The following TEX26 variants were observed in gnomAD, a reference collection of about 807,000 sequenced individuals.
TEX26 encodes the protein testis expressed 26.
A neutral mutation model predicts 35.3 loss-of-function variants in TEX26; 34 were observed. The observed-to-expected ratio is 0.96, with a 90% CI of 0.73 to 1.28. The LOEUF (loss-of-function observed/expected upper bound fraction) is 1.28. Ranked by LOEUF, TEX26 falls within the 50% of genes most tolerant of loss-of-function variation. The pLI is 0.00. For missense variants in TEX26, 371 were observed against 330.1 expected (o/e 1.12, Z -0.96); for synonymous variants, 136 against 111.8 (o/e 1.22, Z -1.36).
Position 30,974,729 on chromosome 13 carries a change from C to T in TEX26, c.809-117C>T, listed in dbSNP as rs796099952. 3.1e-5 allele frequency: 33 copies of T among 1,068,446 alleles called. No homozygotes were observed. In the African/African-American group the frequency reaches 4.5e-4, roughly 15 times the overall value. 66.2% of individuals were successfully genotyped at this position (1,068,446 alleles called of 1,614,324 possible). On this transcript the variant is annotated intron_variant, in intron 6 of 6. Transcript: ENST00000380473. ...ATAGCCTGCTATTATTTTGGTCTTA[C>T]CAAATTTGTGTATTTAGTAATATTA...
rs1489974181 is a variant in TEX26 at position 30,966,214 on chromosome 13, C to T, written c.470-8C>T. ...TAAGTATTGCCTTCCATTTCCATTC[C>T]ACCCCAGCTCAGAAGATTAAGAAAA... On this transcript the variant is annotated splice_polypyrimidine_tract_variant and splice_region_variant and intron_variant, in intron 4 of 6. Coordinates refer to ENST00000380473, the MANE Select transcript of TEX26 (RefSeq NM_152325.3). The T allele has an allele frequency of 6.2e-7, 1 of 1,613,784 alleles. No individual in the cohort carries two copies. Among genetic ancestry groups the T allele is most frequent in the Admixed American group, 1.7e-5 (1 of 59,996 alleles).
chr13:30,951,182 C>A (rs151207981), intron 2 of TEX26, among the ~76,000 whole-genome samples: 1 of 151,508 alleles, frequency 6.6e-6, no homozygotes, highest in East Asian at 1.9e-4. Flanking sequence ...GACCTCATCT[C>A]AAAAAATAAA....
chr13:30,973,751 C>A (rs527607072), intron 6 of TEX26, among the ~76,000 whole-genome samples: 2 of 152,248 alleles, frequency 1.3e-5, no homozygotes, highest in South Asian at 4.1e-4. Context: ...TGAATATGAG[C>A]ATGACATCAC....
At chr13:30,937,757 T>C (rs559690713) in intron 1 of TEX26, among the ~76,000 whole-genome samples, 3 of 152,302 alleles carry the variant, frequency 2.0e-5, no homozygotes, top group Middle Eastern at 6.8e-3. Flanking sequence ...AAGGCTTCAG[T>C]TATCTGACTA....
chr13:30,941,066 A>T (rs1953486286), intron 2 of TEX26, among the ~76,000 whole-genome samples: 1 of 152,200 alleles, frequency 6.6e-6, no homozygotes, highest in Non-Finnish European at 1.5e-5. Context: ...TACCCTTATT[A>T]TCTCTGCTAC....
intron 2 of TEX26, among the ~76,000 whole-genome samples, chr13:30,947,892 C>T (rs1434277112): frequency 6.6e-6 from 1 of 151,952 alleles, no homozygotes; most frequent in Non-Finnish European, 1.5e-5. Flanking sequence ...CTCCCCTCTC[C>T]CCCCACCCCA....
rs142661084 is a variant in TEX26 at position 30,967,385 on chromosome 13, A to C, written c.646+987A>C. Among the ~76,000 whole-genome samples, 165 of 152,310 alleles carry C rather than the reference A, an allele frequency of 1.1e-3. No individual in the cohort carries two copies. The Middle Eastern group carries it at 0.014, about 13-fold the overall frequency. On this transcript the variant is annotated intron_variant, in intron 5 of 6. Coordinates refer to ENST00000380473, the MANE Select transcript of TEX26 (RefSeq NM_152325.3). ...GACAGTGCCCCTGTGTATCCACTTC[A>C]GGGTAGCCCCATCCCCCTTCGTTGT...
intron 6 of TEX26, among the ~76,000 whole-genome samples, chr13:30,973,711 T>C (rs1954785196): frequency 6.6e-6 from 1 of 152,170 alleles, no homozygotes; most frequent in Admixed American, 6.5e-5. Context: ...CCACTGGCAT[T>C]TGTGACATTG....
At chr13:30,958,878 C>T (rs536514552) in intron 4 of TEX26, among the ~76,000 whole-genome samples, 9 of 152,300 alleles carry the variant, frequency 5.9e-5, no homozygotes, top group Non-Finnish European at 1.2e-4. Flanking sequence ...TCTCTGCTTC[C>T]CTTCATAAAC....
Position 30,975,470 on chromosome 13 carries a change from G to T in TEX26, c.*563G>T, listed in dbSNP as rs754757381. 6.6e-6 allele frequency: 1 copy of T among 151,994 alleles called. No homozygotes were observed. Among genetic ancestry groups the T allele is most frequent in the Non-Finnish European group, 1.5e-5 (1 of 67,978 alleles). The allele number at this position is 151,994 out of a possible 1,614,324, so 9.4% of individuals were successfully genotyped here. On this transcript the variant is annotated 3_prime_UTR_variant, in exon 7 of 7. Transcript: ENST00000380473. ...ATTGTTCAATTCTGAAAGAATATTG[G>T]AACCTCCCACAATAAATATATTTTT...
chr13:30,945,525 T>A (rs756369072), intron 2 of TEX26, among the ~76,000 whole-genome samples: 1 of 151,888 alleles, frequency 6.6e-6, no homozygotes, highest in South Asian at 2.1e-4. Flanking sequence ...TTTTTTTCAT[T>A]GTGTTATTGT....
rs557312941 is a variant in TEX26 at position 30,935,309 on chromosome 13, A to G, written c.61+2533A>G. Among the ~76,000 whole-genome samples, 8 of 152,310 alleles carry G rather than the reference A, an allele frequency of 5.3e-5. No individual in the cohort carries two copies. In the East Asian group the frequency reaches 1.4e-3, roughly 26 times the overall value. ...CCCAGTAAGGCCCCACCCTCTGACC[A>G]GGGAGGGCCTGAAGTCTGGGGACCA... On this transcript the variant is annotated intron_variant, in intron 1 of 6. Coordinates refer to ENST00000380473, the MANE Select transcript of TEX26 (RefSeq NM_152325.3).
rs142370943 is a variant in TEX26 at position 30,966,477 on chromosome 13, G to T, written c.646+79G>T. ...TTTGAGACGGAGTTTCCCTCTTGTC[G>T]CCCAGGCTGGAGTGCAGTGGCACAA... On this transcript the variant is annotated intron_variant, in intron 5 of 6. Transcript: ENST00000380473. 3,091 of 1,307,224 alleles carry T rather than the reference G, an allele frequency of 2.4e-3. 59 individuals carry two copies. In the African/African-American group the frequency reaches 0.048, roughly 20 times the overall value. 81.0% of individuals were successfully genotyped at this position (1,307,224 alleles called of 1,614,324 possible). A position where few individuals can be genotyped will look rare whatever the true frequency, so the allele number is the denominator to read the frequency against.
intron 5 of TEX26, among the ~76,000 whole-genome samples, chr13:30,968,579 T>C (rs1954616639): frequency 6.6e-6 from 1 of 152,188 alleles, no homozygotes; most frequent in Non-Finnish European, 1.5e-5. Flanking sequence ...CACACTGACC[T>C]GCATAAGAGT....
intron 6 of TEX26, among the ~76,000 whole-genome samples, chr13:30,974,197 A>G (rs1295297046): frequency 6.8e-6 from 1 of 147,206 alleles, no homozygotes; most frequent in Non-Finnish European, 1.5e-5. Flanking sequence ...ACCAGACAAG[A>G]CTCCTTAATG....
rs200166266 is a variant in TEX26, at chr13:30,956,899, C to T, written c.339C>T (p.His113=). ...NEDIFLWTLP[H]CQQTGTLKNC... ...ACATTTTCCTGTGGACACTACCTCA[C>T]TGTCAACAAACGGGGACACTAAAGA... Residue 113 remains histidine (H), a synonymous_variant, in exon 4 of 7, where the codon CAC becomes CAT. Transcript: ENST00000380473. 3.3e-5 allele frequency: 53 copies of T among 1,614,018 alleles called. No individual in the cohort carries two copies. Among genetic ancestry groups the T allele is most frequent in the Non-Finnish European group, 4.5e-5 (53 of 1,179,996 alleles).
At chr13:30,955,934 G>A (rs1055390954) in intron 3 of TEX26, among the ~76,000 whole-genome samples, 3 of 152,188 alleles carry the variant, frequency 2.0e-5, no homozygotes, top group African/African-American at 7.2e-5. Context: ...AGGGAAATAG[G>A]AAGCAAGATC....
chr13:30,958,031 T>A (rs1593584517), intron 4 of TEX26, among the ~76,000 whole-genome samples: 1 of 152,242 alleles, frequency 6.6e-6, no homozygotes, highest in East Asian at 1.9e-4. Flanking sequence ...CTATTCATCC[T>A]GCTTCCTGGA....
At chr13:30,951,942 G>GA (rs1472406220) in intron 2 of TEX26, among the ~76,000 whole-genome samples, 2 of 22,156 alleles carry the variant, frequency 9.0e-5, no homozygotes, top group Non-Finnish European at 1.5e-4. Flanking sequence ...GAGAGAAAGA[G>GA]AACTTTTTTT....
Sources: gnomAD v4.1 joint callset for allele counts (sites outside exome capture counted in the v4.1 genomes callset) on GRCh38, gnomAD v4.1.1 for gene constraint, MANE v1.5 for transcripts, NCBI Gene and HGNC (gene_info 2026-07-23, HGNC 2026-07-21) for gene names.